Variants in MYRIP observed in about 807,000 individuals in gnomAD.
The protein encoded by MYRIP is rab effector MyRIP.
In MYRIP, 49 loss-of-function variants were observed where a neutral mutation model predicts 98.0. That is an observed-to-expected ratio of 0.50 (90% CI 0.40 to 0.63). The LOEUF is 0.63. MYRIP is among the 30% of genes least tolerant of loss of function. The probability of loss-of-function intolerance (pLI) is 0.00; values close to 1 mark genes in which losing one functional copy is unlikely to be tolerated. For missense variants in MYRIP, 1,004 were observed against 1,058.2 expected (o/e 0.95, Z 0.71); for synonymous variants, 404 against 409.5 (o/e 0.99, Z 0.16).
At chr3:39,957,212 C>G (rs931600060) in intron 2 of MYRIP, among the ~76,000 whole-genome samples, 5 of 151,764 alleles carry the variant, frequency 3.3e-5, no homozygotes, top group South Asian at 2.1e-4. Context: ...CAAAGCCTGA[C>G]AGGGACACAC....
At chr3:39,825,469 C>T (rs1941234360) in intron 1 of MYRIP, among the ~76,000 whole-genome samples, 1 of 151,764 alleles carries the variant, frequency 6.6e-6, no homozygotes, top group South Asian at 2.1e-4. Context: ...TAGTTTTTGC[C>T]CTTCATTCTG....
intron 16 of MYRIP, among the ~76,000 whole-genome samples, chr3:40,255,155 A>AGAT (rs1953534526): frequency 2.6e-5 from 4 of 152,328 alleles, no homozygotes; most frequent in Admixed American, 2.6e-4. Context: ...GAGCGGAAAA[A>AGAT]GATGCATTAT....
At chr3:40,099,929 C>T in intron 3 of MYRIP, 1 of 913,590 alleles carries the variant, frequency 1.1e-6, no homozygotes, top group Non-Finnish European at 1.3e-6. Context: ...CTCCCTGTTG[C>T]ACATGTGTTG....
intron 11 of MYRIP, among the ~76,000 whole-genome samples, chr3:40,215,010 G>A (rs1430669016): frequency 6.6e-6 from 1 of 152,080 alleles, no homozygotes; most frequent in South Asian, 2.1e-4. Flanking sequence ...GAATACATAG[G>A]TTTTTGCTTC....
At chr3:40,101,899 C>T (rs137929818) in intron 3 of MYRIP, among the ~76,000 whole-genome samples, 34 of 152,312 alleles carry the variant, frequency 2.2e-4, no homozygotes, top group African/African-American at 7.2e-4. Flanking sequence ...GCACTGAAAG[C>T]TGATCTGAGG....
At chr3:40,059,222 G>A (rs532759777) in intron 3 of MYRIP, among the ~76,000 whole-genome samples, 1 of 152,222 alleles carries the variant, frequency 6.6e-6, no homozygotes, top group South Asian at 2.1e-4. Context: ...TTGCTATTGT[G>A]AATAGTGCTG....
intron 1 of MYRIP, among the ~76,000 whole-genome samples, chr3:39,882,289 A>T (rs540337816): frequency 6.6e-6 from 1 of 152,198 alleles, no homozygotes; most frequent in South Asian, 2.1e-4. Context: ...CTCAGAGCAG[A>T]TTTGATCCTC....
chr3:39,887,639 A>G (rs1009864290), intron 1 of MYRIP, among the ~76,000 whole-genome samples: 1 of 152,138 alleles, frequency 6.6e-6, no homozygotes, highest in African/African-American at 2.4e-5. Context: ...GCCCTCTCTC[A>G]CCACTCCTAT....
intron 1 of MYRIP, among the ~76,000 whole-genome samples, chr3:39,860,189 A>G (rs1942428721): frequency 1.3e-5 from 2 of 152,224 alleles, no homozygotes; most frequent in South Asian, 4.1e-4. Context: ...CTGGTCCTGA[A>G]TGACTCCTGG....
intron 1 of MYRIP, among the ~76,000 whole-genome samples, chr3:39,811,225 A>G (rs1158805852): frequency 1.3e-5 from 2 of 152,134 alleles, no homozygotes; most frequent in East Asian, 1.9e-4. Flanking sequence ...CATGAGATCA[A>G]TACTTAGTTT....
At chr3:39,978,351 C>G (rs1157787307) in intron 2 of MYRIP, among the ~76,000 whole-genome samples, 1 of 152,186 alleles carries the variant, frequency 6.6e-6, no homozygotes, top group Non-Finnish European at 1.5e-5. Flanking sequence ...GTTTGAGACA[C>G]TAAGATTGCC....
At chr3:40,159,890 A>G (rs1950343082) in intron 4 of MYRIP, among the ~76,000 whole-genome samples, 1 of 152,130 alleles carries the variant, frequency 6.6e-6, no homozygotes, top group Admixed American at 6.5e-5. Context: ...CTAGTTATAC[A>G]TTCTTCTAAA....
chr3:40,024,027 T>G (rs1947065786), intron 2 of MYRIP, among the ~76,000 whole-genome samples: 1 of 152,112 alleles, frequency 6.6e-6, no homozygotes, highest in Admixed American at 6.6e-5. Context: ...AAAGAAGAAA[T>G]GGGCTACACA....
rs903114261 is a variant in MYRIP at position 39,957,471 on chromosome 3, T to A, written c.110+56545T>A. 3.3e-5 allele frequency among the ~76,000 whole-genome samples: 5 copies of A among 152,072 alleles called. No individual in the cohort carries two copies. The South Asian group carries it at 6.2e-4, about 19-fold the overall frequency. On this transcript the variant is annotated intron_variant, in intron 2 of 16. Coordinates refer to ENST00000302541, the MANE Select transcript of MYRIP (RefSeq NM_015460.4). Reference sequence around the variant, plus strand: ...CATGCAGAAAAGGCCTTCGAAAAAATTCAACAGCCCTTCATGCTAAAAACT... The same window carrying A: ...CATGCAGAAAAGGCCTTCGAAAAAAATCAACAGCCCTTCATGCTAAAAACT...
At chr3:40,227,644 A>T (rs759024784) in intron 11 of MYRIP, among the ~76,000 whole-genome samples, 1 of 152,162 alleles carries the variant, frequency 6.6e-6, no homozygotes, top group Non-Finnish European at 1.5e-5. Flanking sequence ...GGTAAAAGGC[A>T]CTCTTTGAAA....
chr3:39,886,941 A>G (rs2125652683), intron 1 of MYRIP, among the ~76,000 whole-genome samples: 2 of 152,236 alleles, frequency 1.3e-5, no homozygotes, highest in African/African-American at 4.8e-5. Flanking sequence ...AGTTGGAAGT[A>G]AAGCTCTCCT....
intron 4 of MYRIP, among the ~76,000 whole-genome samples, chr3:40,159,062 G>A (rs569620011): frequency 5.9e-5 from 9 of 151,592 alleles, no homozygotes; most frequent in African/African-American, 4.8e-5. Context: ...TATTTTGCTC[G>A]TTAGTTGATG....
intron 2 of MYRIP, among the ~76,000 whole-genome samples, chr3:39,987,144 C>G (rs1201548859): frequency 1.3e-5 from 2 of 152,076 alleles, no homozygotes. Context: ...TGTCCTAATG[C>G]TCTCCCTCCC....
intron 14 of MYRIP, 39 bp from the exon 15 acceptor site, chr3:40,250,400 C>T (rs773191324): frequency 6.2e-7 from 1 of 1,612,434 alleles, no homozygotes. Flanking sequence ...ATATCTTTGG[C>T]TCTGCAAAGG....
Sources: allele counts gnomAD v4.1 joint callset (sites outside exome capture counted in the v4.1 genomes callset), GRCh38; gene constraint gnomAD v4.1.1; transcripts MANE v1.5; gene names NCBI Gene and HGNC (gene_info 2026-07-23, HGNC 2026-07-21).